The following SPATA13 variants were observed in gnomAD, a reference collection of about 807,000 sequenced individuals.
SPATA13 encodes spermatogenesis associated 13, also known as spermatogenesis-associated protein 13.
In SPATA13, 50 loss-of-function variants were observed where a neutral mutation model predicts 104.0. The ratio of observed to expected loss-of-function variants is 0.48; its 90% confidence interval spans 0.38 to 0.61. SPATA13 has a LOEUF of 0.61. Ranked by LOEUF, SPATA13 falls within the 20% of genes least tolerant of loss-of-function variation. The pLI is 0.00. For missense variants in SPATA13, 1,524 were observed against 1,690.6 expected, an observed-to-expected ratio of 0.90 and a Z score of 1.73; for synonymous variants, 606 against 667.5, an observed-to-expected ratio of 0.91 and a Z score of 1.42.
At chr13:24,282,238 C>G (rs1005865262) in intron 4 of SPATA13, among the ~76,000 whole-genome samples, 16 of 152,118 alleles carry the variant, frequency 1.1e-4, no homozygotes, top group African/African-American at 3.9e-4. Flanking sequence ...GTAAGATGAA[C>G]TGTGCATAGA....
At chr13:24,198,734 G>A (rs904280535) in intron 1 of SPATA13, among the ~76,000 whole-genome samples, 1 of 152,112 alleles carries the variant, frequency 6.6e-6, no homozygotes, top group African/African-American at 2.4e-5. Context: ...GTCCTGTGAG[G>A]GCTATCCCAC....
intron 3 of SPATA13, among the ~76,000 whole-genome samples, chr13:24,089,199 T>C (rs1181289538): frequency 6.6e-6 from 1 of 152,216 alleles, no homozygotes; most frequent in East Asian, 1.9e-4. Context: ...GCATTTCCCC[T>C]GTGTCTCACA....
At chr13:24,279,405 A>G (rs973437616) in intron 4 of SPATA13, among the ~76,000 whole-genome samples, 10 of 152,166 alleles carry the variant, frequency 6.6e-5, no homozygotes, top group Non-Finnish European at 1.3e-4. Flanking sequence ...GGAGTGACAC[A>G]ATCCAGTCTA....
intron 2 of SPATA13, among the ~76,000 whole-genome samples, chr13:24,015,410 A>G (rs1876664728): frequency 6.6e-6 from 1 of 152,218 alleles, no homozygotes; most frequent in South Asian, 2.1e-4. Context: ...ATTTTAAGAA[A>G]ATCCTTTCTT....
chr13:24,064,384 G>C (rs1028456300), intron 3 of SPATA13, among the ~76,000 whole-genome samples: 11 of 152,146 alleles, frequency 7.2e-5, no homozygotes, highest in Admixed American at 7.2e-4. Context: ...GGCTGCAATG[G>C]ACTAAATGTT....
At chr13:23,995,138 C>T (rs1875618777) in intron 2 of SPATA13, among the ~76,000 whole-genome samples, 1 of 152,126 alleles carries the variant, frequency 6.6e-6, no homozygotes, top group Non-Finnish European at 1.5e-5. Flanking sequence ...GTTCGGGAAC[C>T]CTGACATCCT....
chr13:24,229,410 C>T (rs1216987698), intron 2 of SPATA13, among the ~76,000 whole-genome samples: 1 of 152,162 alleles, frequency 6.6e-6, no homozygotes, highest in East Asian at 1.9e-4. Flanking sequence ...TGTTGAACTT[C>T]TCCTGCCGTG....
chr13:24,134,960 G>C (rs1384620742), intron 3 of SPATA13, among the ~76,000 whole-genome samples: 1 of 152,196 alleles, frequency 6.6e-6, no homozygotes, highest in East Asian at 1.9e-4. Context: ...TAAAAAAGTG[G>C]AGACTTAGAC....
chr13:23,986,795 G>A (rs1875166436), intron 2 of SPATA13, among the ~76,000 whole-genome samples: 1 of 152,140 alleles, frequency 6.6e-6, no homozygotes, highest in South Asian at 2.1e-4. Context: ...TTGGCCACAG[G>A]AATTTCAGTC....
intron 2 of SPATA13, among the ~76,000 whole-genome samples, chr13:24,001,320 C>T (rs766155104): frequency 4.0e-5 from 6 of 151,764 alleles, no homozygotes; most frequent in Non-Finnish European, 7.4e-5. Flanking sequence ...GTCAGGATGC[C>T]GGGGATAATG....
intron 2 of SPATA13, among the ~76,000 whole-genome samples, chr13:24,005,127 T>C (rs1306549757): frequency 6.6e-6 from 1 of 152,246 alleles, no homozygotes; most frequent in Non-Finnish European, 1.5e-5. Context: ...TTGGAAGAAC[T>C]CTGCTTTCTC....
rs564614434 is a variant in SPATA13 at position 23,993,677 on chromosome 13, G to A, written c.-147+9744G>A. Among the ~76,000 whole-genome samples, 9 of 152,284 alleles carry A rather than the reference G, an allele frequency of 5.9e-5. No homozygotes were observed. In the East Asian group the frequency reaches 1.7e-3, roughly 29 times the overall value. ...CAAACCCACAGGCTAGGATAAGTGA[G>A]AATTTACCTAGGAAAGCCCATCCTT... On this transcript the variant is annotated intron_variant, in intron 2 of 14. Transcript: ENST00000424834.
At chr13:24,243,284 C>T (rs897132703) in intron 2 of SPATA13, among the ~76,000 whole-genome samples, 2 of 152,182 alleles carry the variant, frequency 1.3e-5, no homozygotes, top group African/African-American at 4.8e-5. Flanking sequence ...AGTCCTCTCT[C>T]ATTTTCTTTT....
chr13:24,296,582 C>T (rs754120774), intron 10 of SPATA13, among the ~76,000 whole-genome samples: 3 of 152,184 alleles, frequency 2.0e-5, no homozygotes, highest in Non-Finnish European at 2.9e-5. Flanking sequence ...ATATACTCAA[C>T]GCAAATAATG....
intron 3 of SPATA13, among the ~76,000 whole-genome samples, chr13:24,045,619 T>A (rs1156668736): frequency 6.6e-6 from 1 of 152,184 alleles, no homozygotes; most frequent in Non-Finnish European, 1.5e-5. Context: ...CAAAGGGTCA[T>A]GAAATAAAAT....
intron 1 of SPATA13, among the ~76,000 whole-genome samples, chr13:24,182,744 T>G (rs1868893673): frequency 6.6e-6 from 1 of 152,220 alleles, no homozygotes; most frequent in Admixed American, 6.5e-5. Flanking sequence ...GACATTTCCT[T>G]TAATTTTTTA....
intron 3 of SPATA13, among the ~76,000 whole-genome samples, chr13:24,152,215 A>G (rs1255409087): frequency 6.6e-6 from 1 of 152,230 alleles, no homozygotes; most frequent in Non-Finnish European, 1.5e-5. Flanking sequence ...ACCCTTTTGC[A>G]TGGATAATGC....
intron 3 of SPATA13, among the ~76,000 whole-genome samples, chr13:24,114,408 T>C (rs1231366255): frequency 1.3e-5 from 1 of 79,004 alleles, no homozygotes; most frequent in Admixed American, 1.6e-4. Flanking sequence ...TGTGCACACA[T>C]GTAGAGCCTG....
rs189861978 is a variant in SPATA13 at position 24,229,308 on chromosome 13, G to C, written c.1653+4726G>C. On this transcript the variant is annotated intron_variant, in intron 2 of 12. Coordinates refer to ENST00000382108, the MANE Select transcript of SPATA13 (RefSeq NM_001166271.3). ...AACCAATTGGACCCCTCTCCAGGGA[G>C]CTATGGTAAGCTGCAGTCTCTTGGC... 2.6e-5 allele frequency among the ~76,000 whole-genome samples: 4 copies of C among 152,330 alleles called. No individual in the cohort carries two copies. The East Asian group carries it at 7.7e-4, about 29-fold the overall frequency.
Sources: allele counts gnomAD v4.1 joint callset (sites outside exome capture counted in the v4.1 genomes callset), GRCh38; gene constraint gnomAD v4.1.1; transcripts MANE v1.5; gene names NCBI Gene and HGNC (gene_info 2026-07-23, HGNC 2026-07-21).